Variants in ZNF362 observed in about 807,000 individuals in gnomAD.
ZNF362 encodes the protein rotund homolog.
ZNF362 carries 11 observed loss-of-function variants against 42.9 expected under a neutral mutation model. The ratio of observed to expected loss-of-function variants is 0.26; its 90% CI spans 0.16 to 0.42. ZNF362 has a LOEUF of 0.42. Among genes scored for constraint, ZNF362 ranks in the 20% least tolerant of loss-of-function variants. The pLI is 1.00. For synonymous variants in ZNF362, 255 were observed against 257.3 expected, an observed-to-expected ratio of 0.99 and a Z score of 0.09; for missense variants, 362 against 576.2, an observed-to-expected ratio of 0.63 and a Z score of 3.81.
chr1:33,282,071 C>T, intron 6 of ZNF362: 1 of 523,896 alleles, frequency 1.9e-6, no homozygotes. Flanking sequence ...TTTCTCTGGC[C>T]ATCCCCTTGT....
At chr1:33,222,832 C>T in the ZNF362 span, among the ~76,000 whole-genome samples, 1 of 152,150 alleles carries the variant, frequency 6.6e-6, no homozygotes, top group Non-Finnish European at 1.5e-5. Context: ...CCACCCAAAT[C>T]TCATCTTGAA....
chr1:33,250,888 A>AGAAGAAGAAGAG, the ZNF362 span, among the ~76,000 whole-genome samples: 1 of 151,910 alleles, frequency 6.6e-6, no homozygotes, highest in African/African-American at 2.4e-5. Context: ...AAGAAGAAGA[A>AGAAGAAGAAGAG]GAAGAAGGAG....
At chr1:33,289,474 G>T (rs986013115) in intron 6 of ZNF362, among the ~76,000 whole-genome samples, 5 of 152,138 alleles carry the variant, frequency 3.3e-5, no homozygotes, top group Non-Finnish European at 2.9e-5. Flanking sequence ...TCAAGGGGGA[G>T]GCCGGGCAGT....
rs942836901 is a variant in ZNF362 at position 33,299,301 on chromosome 1, T to C, written c.*255T>C. On this transcript the variant is annotated 3_prime_UTR_variant, in exon 9 of 9. Coordinates refer to ENST00000539719, the MANE Select transcript of ZNF362 (RefSeq NM_152493.3). ...CACTTTGAACCTCTCTGTTGAGTTT[T>C]CTTTTTGTTCCCCACCCTTCACTTG... 1.6e-5 allele frequency: 6 copies of C among 373,764 alleles called. No individual in the cohort carries two copies. Among genetic ancestry groups the C allele is most frequent in the Middle Eastern group, 6.9e-4 (1 of 1,450 alleles). The allele number at this position is 373,764 out of a possible 1,614,324, so 23.2% of individuals were successfully genotyped here.
the ZNF362 span, among the ~76,000 whole-genome samples, chr1:33,236,724 A>C: frequency 6.6e-6 from 1 of 151,140 alleles, no homozygotes; most frequent in South Asian, 2.1e-4. Context: ...TGATAAGTAC[A>C]TGAGGTGACC....
chr1:33,166,567 A>G, the ZNF362 span, among the ~76,000 whole-genome samples: 1 of 152,068 alleles, frequency 6.6e-6, no homozygotes, highest in African/African-American at 2.4e-5. Context: ...TATTATCTCC[A>G]TCTTCTGATG....
the ZNF362 span, among the ~76,000 whole-genome samples, chr1:33,230,082 A>G: frequency 1.3e-5 from 2 of 152,040 alleles, no homozygotes; most frequent in East Asian, 3.9e-4. Flanking sequence ...CTGACTCTTC[A>G]GATTAATGCC....
the ZNF362 span, among the ~76,000 whole-genome samples, chr1:33,137,716 C>T: frequency 1.2e-3 from 182 of 152,308 alleles, no homozygotes; most frequent in Non-Finnish European, 2.1e-3. Flanking sequence ...AACCAGAAAA[C>T]TTTCAAGTGG....
At chr1:33,212,939 T>C in the ZNF362 span, among the ~76,000 whole-genome samples, 1 of 152,202 alleles carries the variant, frequency 6.6e-6, no homozygotes, top group African/African-American at 2.4e-5. Context: ...ACAATTTATT[T>C]AGAAGTAACC....
chr1:33,189,653 A>ACG, the ZNF362 span, among the ~76,000 whole-genome samples: 20 of 14,922 alleles, frequency 1.3e-3, no homozygotes, highest in East Asian at 0.026. Context: ...ATATATATAT[A>ACG]TATATATATA....
the ZNF362 span, among the ~76,000 whole-genome samples, chr1:33,133,542 A>G: frequency 6.6e-6 from 1 of 152,226 alleles, no homozygotes; most frequent in Non-Finnish European, 1.5e-5. Flanking sequence ...GCTGATGACC[A>G]GCAGAGTGGA....
At chr1:33,241,152 A>G in the ZNF362 span, among the ~76,000 whole-genome samples, 4 of 150,996 alleles carry the variant, frequency 2.6e-5, no homozygotes, top group South Asian at 8.4e-4. Flanking sequence ...TGAATCTGAC[A>G]CAAAAAAATC....
In ZNF362 at chr1:33,299,060, G is replaced by A. The variant is rs1189082155; in HGVS notation, c.*14G>A. On this transcript the variant is annotated 3_prime_UTR_variant, in exon 9 of 9. Transcript: ENST00000539719. ...TCTCTCATCTGAGCCCACTGGAGGCGCCGCCCCACCCGGCCCACTGGCAGA... is the reference window on the plus strand; with the variant it reads ...TCTCTCATCTGAGCCCACTGGAGGCACCGCCCCACCCGGCCCACTGGCAGA... 3.1e-6 allele frequency: 5 copies of A among 1,597,930 alleles called. No homozygotes were observed. Among genetic ancestry groups the A allele is most frequent in the Non-Finnish European group, 3.4e-6 (4 of 1,174,468 alleles).
intron 2 of ZNF362, 131 bp from the exon 3 acceptor site, chr1:33,275,969 T>A: frequency 1.0e-6 from 1 of 960,998 alleles, no homozygotes; most frequent in Non-Finnish European, 1.6e-6. Flanking sequence ...TGCTGTGCTG[T>A]GAGGCTGGGG....
the ZNF362 span, among the ~76,000 whole-genome samples, chr1:33,202,514 C>T: frequency 6.6e-6 from 1 of 151,038 alleles, no homozygotes; most frequent in African/African-American, 2.4e-5. Context: ...AGGAGAATGA[C>T]GTGAACCCGG....
intron 4 of ZNF362, among the ~76,000 whole-genome samples, chr1:33,276,839 C>G (rs1355468841): frequency 6.6e-6 from 1 of 152,238 alleles, no homozygotes; most frequent in Admixed American, 6.5e-5. Context: ...CGGTCACTGC[C>G]CCATGGGGCT....
At chr1:33,147,164 C>T in the ZNF362 span, 3 of 1,610,766 alleles carry the variant, frequency 1.9e-6, no homozygotes, top group African/African-American at 4.0e-5. This position sits in a 1 kb window ranked among gnomAD's most constrained non-coding sequence, Gnocchi z 8.1. Context: ...GTTGTGGTCT[C>T]CTTCTGCCTG....
At chr1:33,279,032 TA>T (rs1424223870) in intron 4 of ZNF362, among the ~76,000 whole-genome samples, 4 of 152,150 alleles carry the variant, frequency 2.6e-5, no homozygotes, top group African/African-American at 4.8e-5. Flanking sequence ...TTAAATTAAT[TA>T]TTTTTTTTAA....
chr1:33,152,515 C>T, the ZNF362 span, among the ~76,000 whole-genome samples: 1 of 145,206 alleles, frequency 6.9e-6, no homozygotes, highest in African/African-American at 2.6e-5. Context: ...TGTGGTGAGC[C>T]AAGATTGTGC....
Sources: gnomAD v4.1 joint callset for allele counts (sites outside exome capture counted in the v4.1 genomes callset) on GRCh38, gnomAD v4.1.1 for gene constraint, Gnocchi (gnomAD v3.1) non-coding constraint, MANE v1.5 for transcripts, NCBI Gene and HGNC (gene_info 2026-07-23, HGNC 2026-07-21) for gene names.